Variants in PTPRG observed in about 807,000 individuals in gnomAD.
PTPRG encodes receptor-type tyrosine-protein phosphatase gamma.
PTPRG carries 102 observed loss-of-function variants against 165.3 expected under a neutral mutation model. The ratio of observed to expected loss-of-function variants is 0.62; its 90% CI spans 0.53 to 0.73. The LOEUF is 0.73. PTPRG is among the 30% of genes least tolerant of loss of function. The probability of loss-of-function intolerance (pLI) is 0.00; values close to 1 mark genes in which losing one functional copy is unlikely to be tolerated. For synonymous variants in PTPRG, 675 were observed against 669.5 expected, an observed-to-expected ratio of 1.01 and a Z score of -0.13; for missense variants, 1,866 against 1,861.4, an observed-to-expected ratio of 1.00 and a Z score of -0.05.
intron 2 of PTPRG, among the ~76,000 whole-genome samples, chr3:61,871,644 A>G (rs2037587821): frequency 6.6e-6 from 1 of 152,110 alleles, no homozygotes; most frequent in Non-Finnish European, 1.5e-5. Context: ...TGAAAAGAGG[A>G]AAGTTTTGTT....
chr3:61,696,015 G>A (rs1021813270), intron 1 of PTPRG, among the ~76,000 whole-genome samples: 1 of 152,156 alleles, frequency 6.6e-6, no homozygotes, highest in Non-Finnish European at 1.5e-5. Flanking sequence ...CTGTGGCACA[G>A]TCAACATGAG....
chr3:61,763,532 A>ATTT (rs35443698), intron 2 of PTPRG, among the ~76,000 whole-genome samples: 1 of 148,480 alleles, frequency 6.7e-6, no homozygotes, highest in Non-Finnish European at 1.5e-5. Context: ...CGCCCAGCTA[A>ATTT]TTTTTGTATT....
In PTPRG at chr3:61,710,614, AT is replaced by A. The variant is rs561429742; in HGVS notation, c.86-38253del. On this transcript the variant is annotated intron_variant, in intron 1 of 29. Transcript: ENST00000474889. ...CTTAAAACATTATGAGTTTTTTTGC[AT>A]TTTTTTTTTTAAAGCTCATTAGCTA... Among the ~76,000 whole-genome samples the A allele has an allele frequency of 8.3e-3, 1,203 of 145,210 alleles. 10 individuals carry two copies. Among genetic ancestry groups the A allele is most frequent in the Middle Eastern group, 0.018 (5 of 278 alleles).
At chr3:62,003,110 A>G (rs2107722280) in intron 3 of PTPRG, among the ~76,000 whole-genome samples, 1 of 152,202 alleles carries the variant, frequency 6.6e-6, no homozygotes, top group South Asian at 2.1e-4. Flanking sequence ...ATGGATAAGT[A>G]ATTCTGAGAT....
intron 5 of PTPRG, among the ~76,000 whole-genome samples, chr3:62,079,736 A>G (rs969057580): frequency 6.6e-6 from 1 of 152,224 alleles, no homozygotes; most frequent in African/African-American, 2.4e-5. Context: ...TGGAGTCAAG[A>G]TACTTGCTTT....
At chr3:61,846,185 G>A (rs2107348316) in intron 2 of PTPRG, among the ~76,000 whole-genome samples, 1 of 152,278 alleles carries the variant, frequency 6.6e-6, no homozygotes, top group African/African-American at 2.4e-5. Context: ...TTGATTTGCT[G>A]TATTTTATTA....
intron 1 of PTPRG, among the ~76,000 whole-genome samples, chr3:61,639,988 C>T (rs1702018990): frequency 6.6e-6 from 1 of 152,120 alleles, no homozygotes; most frequent in South Asian, 2.1e-4. Flanking sequence ...TTCTGTTTTT[C>T]ATTCAATAAA....
intron 2 of PTPRG, among the ~76,000 whole-genome samples, chr3:61,951,841 C>A (rs933901566): frequency 1.9e-4 from 29 of 152,162 alleles, no homozygotes; most frequent in African/African-American, 7.0e-4. Flanking sequence ...TAGAATCGGC[C>A]TGGCGTGGTG....
rs35525843 is a variant in PTPRG, at chr3:61,855,651, C to CTTT, written c.190+106687_190+106689dup. On this transcript the variant is annotated intron_variant, in intron 2 of 29. Coordinates refer to ENST00000474889, the MANE Select transcript of PTPRG (RefSeq NM_002841.4). ...TATAAAATAATATGAAAGGGTAGGC[C>CTTT]TTTTTTTTTTTTTTTTTTTTAAAAG... Among the ~76,000 whole-genome samples the CTTT allele has an allele frequency of 3.9e-3, 472 of 120,300 alleles. 6 individuals carry two copies. Among genetic ancestry groups the CTTT allele is most frequent in the African/African-American group, 0.012 (377 of 31,642 alleles). The allele number at this position is 120,300 out of a possible 152,430, so 78.9% of individuals were successfully genotyped here.
In PTPRG at chr3:62,250,556, T is replaced by C. The variant is rs188535844; in HGVS notation, c.2468-4568T>C. Among the ~76,000 whole-genome samples, 241 of 152,302 alleles carry C rather than the reference T, an allele frequency of 1.6e-3. 3 individuals are homozygous for C. In the Middle Eastern group the frequency reaches 0.061, roughly 39 times the overall value. The stretch of plus-strand genomic sequence containing the variant: ...TTATTTATCTGTTATTCCTTAAGAT[T>C]AAGAGAAAGGAAATTTAGCGTGTAT... On this transcript the variant is annotated intron_variant, in intron 15 of 29. Transcript: ENST00000474889.
chr3:62,019,222 T>C (rs1205397211), intron 4 of PTPRG, among the ~76,000 whole-genome samples: 1 of 152,212 alleles, frequency 6.6e-6, no homozygotes, highest in African/African-American at 2.4e-5. Flanking sequence ...CCCATACTTC[T>C]ATCAAAAACA....
intron 4 of PTPRG, among the ~76,000 whole-genome samples, chr3:62,065,077 T>TAA (rs34569566): frequency 2.0e-5 from 3 of 151,870 alleles, no homozygotes; most frequent in Non-Finnish European, 1.5e-5. Flanking sequence ...CATCCAATGG[T>TAA]AAAAAATAAG....
intron 2 of PTPRG, among the ~76,000 whole-genome samples, chr3:61,848,249 C>T (rs115470247): frequency 1.7e-3 from 255 of 152,316 alleles, no homozygotes; most frequent in African/African-American, 5.8e-3. Flanking sequence ...CACTCTCTCT[C>T]GCCATGCCCC....
At chr3:62,276,685 C>A in intron 24 of PTPRG, 1 of 350,114 alleles carries the variant, frequency 2.9e-6, no homozygotes, top group South Asian at 7.7e-5. Context: ...ATCTAAAATC[C>A]TCTGTTGTGT....
chr3:61,904,223 C>T (rs2038580506), intron 2 of PTPRG, among the ~76,000 whole-genome samples: 1 of 152,194 alleles, frequency 6.6e-6, no homozygotes, highest in Non-Finnish European at 1.5e-5. Context: ...CCAGTACCCA[C>T]CACTTGAAAC....
intron 8 of PTPRG, among the ~76,000 whole-genome samples, chr3:62,178,274 G>T (rs946893712): frequency 1.3e-5 from 2 of 152,086 alleles, no homozygotes; most frequent in African/African-American, 4.8e-5. Context: ...TGGAGGGATG[G>T]ATGGGAGGAT....
intron 13 of PTPRG, among the ~76,000 whole-genome samples, chr3:62,230,092 G>A (rs1442988822): frequency 6.6e-6 from 1 of 152,172 alleles, no homozygotes. Flanking sequence ...ACTCAATAGA[G>A]GGAGACAAGA....
intron 4 of PTPRG, among the ~76,000 whole-genome samples, chr3:62,053,875 T>C (rs924241296): frequency 6.6e-5 from 10 of 152,188 alleles, no homozygotes; most frequent in Non-Finnish European, 8.8e-5. Context: ...AGCCCAGCTG[T>C]TCATGCAGTG....
rs143913652 is a variant in PTPRG, at chr3:61,732,754, A to C, written c.86-16124A>C. On this transcript the variant is annotated intron_variant, in intron 1 of 29. Transcript: ENST00000474889. ...TAAATAAATAAATAAATAAATAAAT[A>C]AATAAATCTTGCATTAGCTAGGGGC... 7.8e-3 allele frequency among the ~76,000 whole-genome samples: 1,087 copies of C among 138,998 alleles called. 12 individuals are homozygous for C. Among genetic ancestry groups the C allele is most frequent in the African/African-American group, 0.023 (863 of 37,188 alleles). 91.2% of individuals were successfully genotyped at this position (138,998 alleles called of 152,430 possible).
Sources: gnomAD v4.1 joint callset for allele counts (sites outside exome capture counted in the v4.1 genomes callset) on GRCh38, gnomAD v4.1.1 for gene constraint, MANE v1.5 for transcripts, NCBI Gene and HGNC (gene_info 2026-07-23, HGNC 2026-07-21) for gene names.